MECOM: variants seen among roughly 807,000 people sequenced by gnomAD.
The protein encoded by MECOM is histone-lysine N-methyltransferase MECOM.
A neutral mutation model predicts 116.3 loss-of-function variants in MECOM; 13 were observed. That is an observed-to-expected ratio of 0.11 (90% CI 0.07 to 0.18). MECOM has a LOEUF of 0.18. MECOM is among the 10% of genes least tolerant of loss of function. The probability of loss-of-function intolerance (pLI) is 1.00; values close to 1 mark genes in which losing one functional copy is unlikely to be tolerated. For synonymous variants in MECOM, 528 were observed against 535.2 expected, an observed-to-expected ratio of 0.99 and a Z score of 0.19; for missense variants, 1,299 against 1,509.0, an observed-to-expected ratio of 0.86 and a Z score of 2.31.
intron 2 of MECOM, among the ~76,000 whole-genome samples, chr3:169,330,846 A>AT (rs1023048816): frequency 1.3e-5 from 2 of 152,074 alleles, no homozygotes; most frequent in Admixed American, 6.6e-5. Flanking sequence ...TAAAGCTTTC[A>AT]TTTTATCCTC....
chr3:169,337,675 G>T lies in MECOM; in HGVS notation c.375+43512C>A, dbSNP rs73036690. ...AGAAGCCCTCAAAACTCTGAAGCCCGAGCCAAATACTGTGTACTCAGAAGA... is the reference window on the plus strand; with the variant it reads ...AGAAGCCCTCAAAACTCTGAAGCCCTAGCCAAATACTGTGTACTCAGAAGA... On this transcript the variant is annotated intron_variant, in intron 2 of 16. Transcript: ENST00000651503. 6.4e-4 allele frequency among the ~76,000 whole-genome samples: 98 copies of T among 152,180 alleles called. 2 individuals carry two copies. Among genetic ancestry groups the T allele is most frequent in the African/African-American group, 2.3e-3 (95 of 41,520 alleles).
At chr3:169,266,285 G>C (rs1460878165) in intron 2 of MECOM, among the ~76,000 whole-genome samples, 1 of 152,194 alleles carries the variant, frequency 6.6e-6, no homozygotes, top group Non-Finnish European at 1.5e-5. Context: ...ACATCTGTTA[G>C]TAAAGTTGTG....
chr3:169,443,269 G>C (rs1744048808), intron 1 of MECOM, among the ~76,000 whole-genome samples: 3 of 151,880 alleles, frequency 2.0e-5, no homozygotes, highest in Admixed American at 2.0e-4. Context: ...TTCCATTCAT[G>C]CCCCTCACAT....
intron 2 of MECOM, among the ~76,000 whole-genome samples, chr3:169,346,710 A>G (rs1210135954): frequency 1.3e-5 from 2 of 152,018 alleles, no homozygotes; most frequent in African/African-American, 2.4e-5. Context: ...CTATAAAAAA[A>G]AATTTAAAAT....
intron 1 of MECOM, among the ~76,000 whole-genome samples, chr3:169,407,646 C>T (rs1419353838): frequency 6.6e-6 from 1 of 152,176 alleles, no homozygotes; most frequent in African/African-American, 2.4e-5. Context: ...AAAATACTTC[C>T]TCACACATAA....
At chr3:169,317,399 T>A (rs1719948110) in intron 2 of MECOM, among the ~76,000 whole-genome samples, 1 of 152,162 alleles carries the variant, frequency 6.6e-6, no homozygotes, top group Non-Finnish European at 1.5e-5. Flanking sequence ...AAAAAATCCT[T>A]TTGTCAACTG....
chr3:169,633,900 G>T (rs1772393851), intron 1 of MECOM, among the ~76,000 whole-genome samples: 1 of 21,386 alleles, frequency 4.7e-5, no homozygotes, highest in Non-Finnish European at 8.1e-5. Context: ...TAGTGACCCT[G>T]GCAAAAAAAA....
At chr3:169,315,000 A>G (rs753137061) in intron 2 of MECOM, among the ~76,000 whole-genome samples, 32 of 152,194 alleles carry the variant, frequency 2.1e-4, no homozygotes, top group Non-Finnish European at 4.3e-4. Context: ...CCATGCCTTC[A>G]ATTCCTCTTA....
At chr3:169,424,022 A>G (rs1740220143) in intron 1 of MECOM, among the ~76,000 whole-genome samples, 1 of 152,130 alleles carries the variant, frequency 6.6e-6, no homozygotes, top group Non-Finnish European at 1.5e-5. Context: ...AAGATGCAAC[A>G]AGCCAAAAAA....
At chr3:169,301,013 A>C (rs1716608761) in intron 2 of MECOM, among the ~76,000 whole-genome samples, 1 of 152,224 alleles carries the variant, frequency 6.6e-6, no homozygotes, top group African/African-American at 2.4e-5. Context: ...ACTTGAAGCA[A>C]TCTTTCTTAG....
chr3:169,374,143 C>T (rs1730621884), intron 2 of MECOM, among the ~76,000 whole-genome samples: 1 of 149,680 alleles, frequency 6.7e-6, no homozygotes, highest in African/African-American at 2.4e-5. Context: ...CTCTCTCCCT[C>T]TCTCTCTCTC....
intron 1 of MECOM, among the ~76,000 whole-genome samples, chr3:169,522,449 A>ACTT (rs1030391494): frequency 1.3e-5 from 2 of 151,902 alleles, no homozygotes; most frequent in African/African-American, 2.4e-5. Context: ...ATAATAACAG[A>ACTT]CTTAGCATCC....
chr3:169,261,618 T>C (rs963620765), intron 2 of MECOM, among the ~76,000 whole-genome samples: 1 of 152,104 alleles, frequency 6.6e-6, no homozygotes, highest in South Asian at 2.1e-4. Flanking sequence ...GGAGAATCAC[T>C]TGAACCCAGG....
At position 169,083,718 on chromosome 3, in the gene MECOM, C is replaced by G. The variant is rs1303110992; in HGVS notation, c.*1191G>C. The G allele has an allele frequency of 4.9e-6, 1 of 205,404 alleles. No individual in the cohort carries two copies. Among genetic ancestry groups the G allele is most frequent in the East Asian group, 7.5e-5 (1 of 13,378 alleles). 12.7% of individuals were successfully genotyped at this position (205,404 alleles called of 1,614,324 possible). A position where few individuals can be genotyped will look rare whatever the true frequency, so the allele number is the denominator to read the frequency against. ...TCTGTTATTTACTTCTCTCTTTTAACATAAGGTTGGGAACACTTCATTTTA... is the reference window on the plus strand; with the variant it reads ...TCTGTTATTTACTTCTCTCTTTTAAGATAAGGTTGGGAACACTTCATTTTA... On this transcript the variant is annotated 3_prime_UTR_variant, in exon 17 of 17. Transcript: ENST00000651503.
intron 2 of MECOM, chr3:169,149,522 C>T (rs1296548965): frequency 3.8e-6 from 1 of 264,934 alleles, no homozygotes; most frequent in Non-Finnish European, 7.8e-6. Context: ...AGCGCAGCGC[C>T]GGCGGCTCCA....
intron 1 of MECOM, among the ~76,000 whole-genome samples, chr3:169,550,502 C>G (rs747289418): frequency 6.6e-6 from 1 of 152,202 alleles, no homozygotes; most frequent in Admixed American, 6.5e-5. Context: ...AGTAACAGAA[C>G]CAGGCTACGC....
intron 7 of MECOM, among the ~76,000 whole-genome samples, chr3:169,117,530 T>C (rs898253960): frequency 1.3e-5 from 2 of 152,208 alleles, no homozygotes; most frequent in Non-Finnish European, 2.9e-5. Context: ...TTCCTGCATT[T>C]ATGAAAACCC....
At chr3:169,133,568 T>C (rs1448389768) in intron 3 of MECOM, 1 of 162,898 alleles carries the variant, frequency 6.1e-6, no homozygotes, top group African/African-American at 2.4e-5. Flanking sequence ...AATGTTGCTA[T>C]AATATGTTAT....
intron 7 of MECOM, chr3:169,120,800 G>T: frequency 3.3e-6 from 1 of 299,960 alleles, no homozygotes; most frequent in Non-Finnish European, 6.1e-6. Flanking sequence ...GTTTCCCTTT[G>T]ATTATCTAAT....
Sources: gnomAD v4.1 joint callset for allele counts (sites outside exome capture counted in the v4.1 genomes callset) on GRCh38, gnomAD v4.1.1 for gene constraint, MANE v1.5 for transcripts, NCBI Gene and HGNC (gene_info 2026-07-23, HGNC 2026-07-21) for gene names.